Variants in DDC observed in about 807,000 individuals in gnomAD.
The protein encoded by DDC is aromatic-L-amino-acid decarboxylase.
In DDC, 43 loss-of-function variants were observed where a neutral mutation model predicts 60.0. That is an observed-to-expected ratio of 0.72 (90% CI 0.56 to 0.92). DDC has a LOEUF of 0.92. Ranked by LOEUF, DDC falls within the 40% of genes least tolerant of loss-of-function variation. The probability of loss-of-function intolerance (pLI) is 0.00; values close to 1 mark genes in which losing one functional copy is unlikely to be tolerated. For synonymous variants in DDC, 232 were observed against 234.6 expected (o/e 0.99, Z 0.10); for missense variants, 573 against 620.2 (o/e 0.92, Z 0.81).
At chr7:50,482,388 T>C (rs1359947161) in intron 9 of DDC, among the ~76,000 whole-genome samples, 1 of 152,240 alleles carries the variant, frequency 6.6e-6, no homozygotes, top group Non-Finnish European at 1.5e-5. Context: ...TTGCTTATCT[T>C]GTCATATTGG....
At chr7:50,464,413 G>A (rs560762626) in intron 13 of DDC, among the ~76,000 whole-genome samples, 1 of 152,232 alleles carries the variant, frequency 6.6e-6, no homozygotes, top group South Asian at 2.1e-4. Flanking sequence ...TGGGCCAGAG[G>A]AAATTTGGAA....
chr7:50,462,768 GTTTTTT>G (rs11302809), intron 14 of DDC, among the ~76,000 whole-genome samples: 1 of 98,358 alleles, frequency 1.0e-5, no homozygotes. Flanking sequence ...TCTTCTTCTT[GTTTTTT>G]TTTTTTTTTT....
At chr7:50,493,728 A>C (rs1185147455) in intron 9 of DDC, among the ~76,000 whole-genome samples, 2 of 152,212 alleles carry the variant, frequency 1.3e-5, no homozygotes, top group Non-Finnish European at 2.9e-5. Context: ...ACTGGTTTTA[A>C]AATTATATAG....
At chr7:50,501,931 A>G (rs937910781) in intron 7 of DDC, among the ~76,000 whole-genome samples, 1 of 152,120 alleles carries the variant, frequency 6.6e-6, no homozygotes, top group African/African-American at 2.4e-5. Flanking sequence ...AAAATTAGCC[A>G]GGCATGATGG....
intron 12 of DDC, among the ~76,000 whole-genome samples, chr7:50,468,345 C>T (rs1168327177): frequency 6.6e-6 from 1 of 152,196 alleles, no homozygotes; most frequent in Non-Finnish European, 1.5e-5. Flanking sequence ...GTGTTTTAAA[C>T]AGGAGCCAGC....
At chr7:50,514,285 A>G (rs1158069170) in intron 6 of DDC, among the ~76,000 whole-genome samples, 14 of 152,208 alleles carry the variant, frequency 9.2e-5, no homozygotes, top group Non-Finnish European at 1.5e-5. Context: ...AGGGGAGAGT[A>G]CTACATCAAG....
intron 6 of DDC, among the ~76,000 whole-genome samples, chr7:50,506,544 G>C (rs922121586): frequency 5.9e-5 from 9 of 152,154 alleles, no homozygotes; most frequent in Non-Finnish European, 1.0e-4. Flanking sequence ...AGTCCTTTAA[G>C]AGCTCTAGGA....
chr7:50,563,731 A>G (rs1713904097), intron 1 of DDC, among the ~76,000 whole-genome samples: 1 of 152,056 alleles, frequency 6.6e-6, no homozygotes, highest in Non-Finnish European at 1.5e-5. Flanking sequence ...CCTCGTAAGT[A>G]GCTGGGACTA....
rs1379137370 is a variant in DDC at position 50,467,103 on chromosome 7, T to G, written c.1242+111A>C. On this transcript the variant is annotated intron_variant, in intron 13 of 14. Transcript: ENST00000444124. ...GTGGGCCAAAGAATGCAGGCTTTGC[T>G]CTGCCATCTCTGGAGAGCCAGTGCC... 3.0e-6 allele frequency: 3 copies of G among 995,284 alleles called. 1 individual carries two copies. The highest frequency in any genetic ancestry group is 4.8e-6 in the Non-Finnish European group (3 of 627,980). 61.7% of individuals were successfully genotyped at this position (995,284 alleles called of 1,614,324 possible).
At chr7:50,508,194 C>T (rs1272360829) in intron 6 of DDC, among the ~76,000 whole-genome samples, 1 of 152,242 alleles carries the variant, frequency 6.6e-6, no homozygotes, top group African/African-American at 2.4e-5. Context: ...GGCTGAGCTA[C>T]AAGTCAGCCT....
At chr7:50,476,967 C>T (rs369598669) in intron 10 of DDC, among the ~76,000 whole-genome samples, 5 of 152,256 alleles carry the variant, frequency 3.3e-5, no homozygotes, top group South Asian at 4.1e-4. Flanking sequence ...ATTCAGATCA[C>T]GTAAATCGTT....
chr7:50,495,947 T>C (rs925243821), intron 8 of DDC, among the ~76,000 whole-genome samples: 1 of 152,198 alleles, frequency 6.6e-6, no homozygotes, highest in Non-Finnish European at 1.5e-5. Context: ...ACTACACGTG[T>C]CATGATAAAC....
intron 6 of DDC, among the ~76,000 whole-genome samples, chr7:50,524,688 T>C (rs2043993075): frequency 6.6e-6 from 1 of 152,166 alleles, no homozygotes; most frequent in South Asian, 2.1e-4. Context: ...TAAGGATGTA[T>C]AAAGAGCCTG....
In DDC at chr7:50,467,204, G is replaced by A. The variant is rs1302258110; in HGVS notation, c.1242+10C>T. The A allele has an allele frequency of 5.6e-6, 9 of 1,607,736 alleles. No individual in the cohort carries two copies. Among genetic ancestry groups the A allele is most frequent in the Admixed American group, 1.7e-5 (1 of 60,014 alleles). ...ACAGAAAATGAAGAATGGAATAGAT[G>A]TAGACAAACCTTTAGCCGAAAGCAG... On this transcript the variant is annotated intron_variant, in intron 13 of 14. Transcript: ENST00000444124.
intron 6 of DDC, among the ~76,000 whole-genome samples, chr7:50,505,360 C>A (rs2043364263): frequency 6.6e-6 from 1 of 152,216 alleles, no homozygotes; most frequent in African/African-American, 2.4e-5. Flanking sequence ...GGATGTCATG[C>A]AGTCTAGATA....
chr7:50,461,077 T>TA (rs1562975677), intron 14 of DDC, among the ~76,000 whole-genome samples: 1 of 151,472 alleles, frequency 6.6e-6, no homozygotes, highest in African/African-American at 2.4e-5. Flanking sequence ...AAATAAAAAT[T>TA]AAAAAAATAA....
chr7:50,512,225 T>C (rs2043599631), intron 6 of DDC, among the ~76,000 whole-genome samples: 2 of 151,998 alleles, frequency 1.3e-5, no homozygotes, highest in South Asian at 4.2e-4. Flanking sequence ...CCAATGAAAA[T>C]AAAGCTGGAA....
intron 6 of DDC, among the ~76,000 whole-genome samples, chr7:50,516,129 C>T (rs1477161380): frequency 4.6e-5 from 7 of 152,084 alleles, no homozygotes; most frequent in African/African-American, 1.2e-4. Context: ...ATACACATTC[C>T]GTTCAACAGC....
At chr7:50,510,853 C>T (rs949938481) in intron 6 of DDC, among the ~76,000 whole-genome samples, 18 of 150,788 alleles carry the variant, frequency 1.2e-4, no homozygotes, top group African/African-American at 4.1e-4. Flanking sequence ...CGGTGGTGGG[C>T]GCCTGTAGTC....
Sources: gnomAD v4.1 joint callset for allele counts (sites outside exome capture counted in the v4.1 genomes callset) on GRCh38, gnomAD v4.1.1 for gene constraint, MANE v1.5 for transcripts, NCBI Gene and HGNC (gene_info 2026-07-23, HGNC 2026-07-21) for gene names.